The following C11orf65 variants were observed in gnomAD, a reference collection of about 807,000 sequenced individuals.
The protein encoded by C11orf65 is chromosome 11 open reading frame 65.
A neutral mutation model predicts 35.3 loss-of-function variants in C11orf65; 38 were observed. The observed-to-expected ratio is 1.08, with a 90% CI of 0.83 to 1.41. The LOEUF is 1.41. Among genes scored for constraint, C11orf65 ranks in the 40% most tolerant of loss-of-function variants. The pLI, the probability that C11orf65 is intolerant of heterozygous loss-of-function variation, is 0.00. For missense variants in C11orf65, 370 were observed against 367.1 expected (o/e 1.01, Z -0.06); for synonymous variants, 105 against 114.4 (o/e 0.92, Z 0.53).
At chr11:108,353,045 C>T (rs1468105921) in intron 2 of C11orf65, among the ~76,000 whole-genome samples, 1 of 152,066 alleles carries the variant, frequency 6.6e-6, no homozygotes, top group African/African-American at 2.4e-5. Context: ...TATAGTTTTG[C>T]AGGACATTAC....
intron 1 of C11orf65, 40 bp downstream of exon 1, chr11:108,467,431 A>C (rs2093554160): frequency 6.6e-6 from 1 of 152,310 alleles, no homozygotes; most frequent in African/African-American, 2.4e-5. Flanking sequence ...CCGGAACAGT[A>C]GTACGCGCTG....
At chr11:108,457,034 G>A (rs996477555) in intron 2 of C11orf65, among the ~76,000 whole-genome samples, 14 of 151,920 alleles carry the variant, frequency 9.2e-5, no homozygotes, top group Non-Finnish European at 1.5e-4. Context: ...GGAGAGGAGA[G>A]GTAAAGAAAA....
At chr11:108,359,763 A>C (rs905277516) in intron 2 of C11orf65, among the ~76,000 whole-genome samples, 4 of 152,310 alleles carry the variant, frequency 2.6e-5, no homozygotes, top group South Asian at 2.1e-4. Flanking sequence ...ACAAAGACAC[A>C]ACGTACCAGA....
intron 3 of C11orf65, among the ~76,000 whole-genome samples, chr11:108,419,855 T>C (rs974088994): frequency 1.3e-5 from 2 of 152,226 alleles, no homozygotes; most frequent in African/African-American, 4.8e-5. Flanking sequence ...AAATCCAGAA[T>C]AAGACAGTGG....
At chr11:108,443,820 G>A (rs1035559480) in intron 2 of C11orf65, among the ~76,000 whole-genome samples, 1 of 152,152 alleles carries the variant, frequency 6.6e-6, no homozygotes, top group Non-Finnish European at 1.5e-5. Context: ...ATTTAAAGTA[G>A]TGTGTAGACA....
At chr11:108,338,768 T>A (rs1336022211) in intron 2 of C11orf65, among the ~76,000 whole-genome samples, 1 of 152,228 alleles carries the variant, frequency 6.6e-6, no homozygotes, top group Non-Finnish European at 1.5e-5. Flanking sequence ...TGACTATTTC[T>A]TAGAATTACG....
intron 6 of C11orf65, among the ~76,000 whole-genome samples, chr11:108,397,666 G>C (rs2092348486): frequency 6.6e-6 from 1 of 152,136 alleles, no homozygotes; most frequent in African/African-American, 2.4e-5. Context: ...GCAACAGTCA[G>C]AATGAAGAGT....
chr11:108,445,798 A>G (rs1462510788), intron 2 of C11orf65, among the ~76,000 whole-genome samples: 1 of 152,172 alleles, frequency 6.6e-6, no homozygotes, highest in Non-Finnish European at 1.5e-5. Context: ...CTGAGAGAAG[A>G]AGGCTTCAGA....
rs142355641 is a variant in C11orf65, at chr11:108,351,876, T to C, written c.227-16584A>G. ...TAGTCTATATTTTCTAACCTTTTTTTCCTTTTTTCTGACTCACTCCTTGGT... is the reference window on the plus strand; with the variant it reads ...TAGTCTATATTTTCTAACCTTTTTTCCCTTTTTTCTGACTCACTCCTTGGT... On this transcript the variant is annotated intron_variant, in intron 2 of 3. Coordinates refer to the C11orf65 transcript ENST00000524755. Among the ~76,000 whole-genome samples, 289 of 152,314 alleles carry C rather than the reference T, an allele frequency of 1.9e-3. 1 individual carries two copies. The highest frequency in any genetic ancestry group is 3.1e-3 in the Non-Finnish European group (214 of 68,026).
At chr11:108,406,162 C>T (rs140005405) in intron 5 of C11orf65, among the ~76,000 whole-genome samples, 1 of 152,152 alleles carries the variant, frequency 6.6e-6, no homozygotes, top group Non-Finnish European at 1.5e-5. Flanking sequence ...TGACTGTCTC[C>T]CTAATTGAAA....
At position 108,393,485 on chromosome 11, in the gene C11orf65, A is replaced by G; in HGVS notation, c.561-107T>C. 8 of 1,068,248 alleles carry G rather than the reference A, an allele frequency of 7.5e-6. No individual in the cohort carries two copies. The South Asian group carries it at 1.3e-4, about 18-fold the overall frequency. 66.2% of individuals were successfully genotyped at this position (1,068,248 alleles called of 1,614,324 possible). A position where few individuals can be genotyped will look rare whatever the true frequency, so the allele number is the denominator to read the frequency against. ...ATTTACATATTAAAACTATTTGCAT[A>G]TTGAATAAAGTTTTCATTCCTATAT... is the stretch of plus-strand genomic sequence containing the variant. On this transcript the variant is annotated intron_variant, in intron 6 of 8. Transcript: ENST00000393084.
rs772228129 is a variant in C11orf65, at chr11:108,331,491, C to T, written c.*59G>A. 5.0e-6 allele frequency: 8 copies of T among 1,613,076 alleles called. 1 individual carries two copies. In the South Asian group the frequency reaches 8.8e-5, roughly 18 times the overall value. On this transcript the variant is annotated 3_prime_UTR_variant, in exon 4 of 4. Coordinates refer to the C11orf65 transcript ENST00000524755. ...CATATAAATTTTTGCCTCTTATGTA[C>T]CAATTGGCTGCTAGAATGGGGACCA...
chr11:108,424,338 T>C (rs2092867617), intron 3 of C11orf65, among the ~76,000 whole-genome samples: 1 of 152,020 alleles, frequency 6.6e-6, no homozygotes. Flanking sequence ...AAATAAAGCA[T>C]GAAGACAAGA....
At chr11:108,357,907 C>T (rs541143991) in intron 2 of C11orf65, among the ~76,000 whole-genome samples, 2,402 of 150,986 alleles carry the variant, frequency 0.016, 71 homozygotes, top group African/African-American at 0.055. Flanking sequence ...TCCAAAGGAA[C>T]GCAGTTCCTC....
intron 6 of C11orf65, among the ~76,000 whole-genome samples, chr11:108,316,867 A>T (rs1221852831): frequency 1.3e-5 from 2 of 151,734 alleles, no homozygotes; most frequent in East Asian, 3.9e-4. Context: ...CAGAGGTTGC[A>T]GTGAGCCGAG....
chr11:108,402,880 G>A (rs1429416863), intron 6 of C11orf65, among the ~76,000 whole-genome samples: 6 of 152,116 alleles, frequency 3.9e-5, no homozygotes, highest in Admixed American at 3.3e-4. Context: ...ATTATTTTGA[G>A]GTTCGTCCAT....
chr11:108,400,601 T>C (rs2092421776), intron 6 of C11orf65, among the ~76,000 whole-genome samples: 1 of 152,178 alleles, frequency 6.6e-6, no homozygotes, highest in Admixed American at 6.5e-5. Context: ...GCCAGGTCAG[T>C]TGCAGCATAC....
chr11:108,468,553 C>T (rs1054945341), upstream of C11orf65, among the ~76,000 whole-genome samples: 3 of 152,030 alleles, frequency 2.0e-5, no homozygotes, highest in Non-Finnish European at 2.9e-5. Flanking sequence ...AAAAGAAACA[C>T]CTGAAGAGAA....
downstream of C11orf65, among the ~76,000 whole-genome samples, chr11:108,326,642 C>A (rs1193319566): frequency 6.6e-6 from 1 of 152,166 alleles, no homozygotes; most frequent in Non-Finnish European, 1.5e-5. Flanking sequence ...GAAAATATCA[C>A]ATCTAATATT....
Sources: allele counts gnomAD v4.1 joint callset (sites outside exome capture counted in the v4.1 genomes callset), GRCh38; gene constraint gnomAD v4.1.1; transcripts MANE v1.5; gene names NCBI Gene and HGNC (gene_info 2026-07-23, HGNC 2026-07-21).